Variants in NFE2L2 observed in about 807,000 individuals in gnomAD.
The protein encoded by NFE2L2 is NFE2 like bZIP transcription factor 2.
Under a neutral mutation model 49.6 loss-of-function variants are expected in NFE2L2, and 20 were observed. That is an observed-to-expected ratio of 0.40 (90% confidence interval 0.28 to 0.59). The LOEUF is 0.59. NFE2L2 is among the 20% of genes least tolerant of loss of function. The pLI is 0.40. For missense variants in NFE2L2, 578 were observed against 714.2 expected, an observed-to-expected ratio of 0.81 and a Z score of 2.17; for synonymous variants, 244 against 256.5, an observed-to-expected ratio of 0.95 and a Z score of 0.47.
chr2:177,258,829 G>GA (rs1690623269), intron 1 of NFE2L2, among the ~76,000 whole-genome samples: 2 of 152,116 alleles, frequency 1.3e-5, no homozygotes, highest in African/African-American at 2.4e-5. Flanking sequence ...TCTCTGATTT[G>GA]AAAAAGCAAT....
Position 177,232,290 on chromosome 2 carries a change from C to A in NFE2L2, c.594+102G>T, listed in dbSNP as rs936816367. On this transcript the variant is annotated intron_variant, in intron 4 of 4. Coordinates refer to ENST00000397062, the MANE Select transcript of NFE2L2 (RefSeq NM_006164.5). The stretch of plus-strand genomic sequence containing the variant: ...AGTACTCATGACTAAGTTAATAGCA[C>A]CCTCCAATCCTTCCTATAAATAGGT... 1.0e-5 allele frequency: 12 copies of A among 1,181,392 alleles called. No individual in the cohort carries two copies. The African/African-American group carries it at 1.7e-4, about 17-fold the overall frequency. 73.2% of individuals were successfully genotyped at this position (1,181,392 alleles called of 1,614,324 possible).
At chr2:177,233,377 G>A in intron 2 of NFE2L2, 38 bp from the exon 3 acceptor site, 1 of 1,485,298 alleles carries the variant, frequency 6.7e-7, no homozygotes, top group Non-Finnish European at 9.3e-7. Flanking sequence ...AACAAAAATG[G>A]TTAAATATTC....
In NFE2L2 at chr2:177,231,862, A is replaced by G; in HGVS notation, c.741T>C (p.Leu247=). Residue 247 remains leucine, a synonymous_variant, in exon 5 of 5, where the codon CTT becomes CTC. Coordinates refer to ENST00000397062, the MANE Select transcript of NFE2L2 (RefSeq NM_006164.5). Reference sequence around the variant, plus strand: ...TGCTGAAGGAATCCTCAAAAGCATTAAGAAAATGTGGACTACAGTTACCTA... The same window carrying G: ...TGCTGAAGGAATCCTCAAAAGCATTGAGAAAATGTGGACTACAGTTACCTA... ...KEVGNCSPHF[L]NAFEDSFSSI... The G allele has an allele frequency of 6.2e-7, 1 of 1,614,214 alleles. No homozygotes were observed. Among genetic ancestry groups the G allele is most frequent in the African/African-American group, 1.3e-5 (1 of 75,052 alleles).
At chr2:177,250,665 T>A (rs952546955) in intron 1 of NFE2L2, among the ~76,000 whole-genome samples, 2 of 152,174 alleles carry the variant, frequency 1.3e-5, no homozygotes, top group Non-Finnish European at 2.9e-5. Flanking sequence ...CCCCATCTGA[T>A]AAATGGTGAC....
chr2:177,254,634 T>G (rs1398619157), intron 1 of NFE2L2, among the ~76,000 whole-genome samples: 1 of 152,190 alleles, frequency 6.6e-6, no homozygotes, highest in Non-Finnish European at 1.5e-5. Context: ...GCGCCCCCAC[T>G]GGTCCACATG....
chr2:177,234,885 G>A (rs1689686536), intron 1 of NFE2L2, among the ~76,000 whole-genome samples: 1 of 152,070 alleles, frequency 6.6e-6, no homozygotes, highest in Admixed American at 6.5e-5. Flanking sequence ...GGAGGCCAAG[G>A]TGGGTGGATC....
chr2:177,232,370 T>A (rs1391963242), intron 4 of NFE2L2, 22 bp downstream of exon 4: 1 of 1,596,580 alleles, frequency 6.3e-7, no homozygotes, highest in Admixed American at 1.7e-5. Context: ...AAATCTCCAG[T>A]ATTACATTCT....
At chr2:177,250,748 C>T (rs529834828) in intron 1 of NFE2L2, among the ~76,000 whole-genome samples, 10 of 152,338 alleles carry the variant, frequency 6.6e-5, no homozygotes, top group Admixed American at 5.9e-4. Flanking sequence ...AGGGAGGCTG[C>T]ACAGTGCGAT....
chr2:177,240,402 T>C (rs1437801682), intron 1 of NFE2L2, among the ~76,000 whole-genome samples: 1 of 152,218 alleles, frequency 6.6e-6, no homozygotes, highest in Admixed American at 6.6e-5. Context: ...CCAAGGGCCA[T>C]GCGAGCACTG....
At position 177,231,641 on chromosome 2, in the gene NFE2L2, T is replaced by C; in HGVS notation, c.962A>G (p.Asp321Gly). ...ELLNGPIDVS[D>G]LSLCKAFNQN... is the part of the protein sequence containing the mutation. Reference sequence around the variant, plus strand: ...GTTGAAAGCTTTGCAAAGTGATAGATCAGAAACATCAATGGGCCCATTTAG... The same window carrying C: ...GTTGAAAGCTTTGCAAAGTGATAGACCAGAAACATCAATGGGCCCATTTAG... The change falls in exon 5 of 5, where the codon GAT becomes GGT. Residue 321 changes from aspartate (D) to glycine (G), a missense_variant. Asp to Gly is a moderately conservative substitution (Grantham distance 94, BLOSUM62 -1). Coordinates refer to ENST00000397062, the MANE Select transcript of NFE2L2 (RefSeq NM_006164.5). The C allele has an allele frequency of 6.2e-7, 1 of 1,614,138 alleles. No individual in the cohort carries two copies. The highest frequency in any genetic ancestry group is 1.3e-5 in the African/African-American group (1 of 75,012).
At chr2:177,237,870 A>G (rs1689806734) in intron 1 of NFE2L2, among the ~76,000 whole-genome samples, 2 of 152,180 alleles carry the variant, frequency 1.3e-5, no homozygotes, top group South Asian at 4.1e-4. Flanking sequence ...TTCTCAGTAA[A>G]TCTAGATACA....
rs766773648 is a variant in NFE2L2, at chr2:177,231,766, T to G, written c.837A>C (p.Thr279=). 6.2e-6 allele frequency: 10 copies of G among 1,614,144 alleles called. No individual in the cohort carries two copies. In the Admixed American group the frequency reaches 1.7e-4, roughly 27 times the overall value. ...NSLNSDATVN[T]DFGDEFYSAF... is the part of the protein sequence containing the mutation. ...CAGAATAAAATTCATCACCAAAATC[T>G]GTGTTGACTGTGGCATCTGAATTTA... is the stretch of plus-strand genomic sequence containing the variant. The change falls in exon 5 of 5, where the codon ACA becomes ACC. Residue 279 remains threonine (T), a synonymous_variant. Transcript: ENST00000397062.
intron 1 of NFE2L2, among the ~76,000 whole-genome samples, chr2:177,263,100 TA>T (rs1288400861): frequency 6.6e-6 from 1 of 152,264 alleles, no homozygotes; most frequent in African/African-American, 2.4e-5. Context: ...ATTTTTTTCC[TA>T]AAATTCATTT....
At position 177,231,474 on chromosome 2, in the gene NFE2L2, C is replaced by T; in HGVS notation, c.1129G>A (p.Glu377Lys). The T allele has an allele frequency of 6.2e-7, 1 of 1,614,252 alleles. No individual in the cohort carries two copies. The highest frequency in any genetic ancestry group is 8.5e-7 in the Non-Finnish European group (1 of 1,180,040). The change falls in exon 5 of 5, where the codon GAA becomes AAA. Residue 377 changes from glutamate (E) to lysine (K), a missense_variant. Physicochemically the swap from Glu to Lys is moderately conservative, Grantham distance 56. Around this residue, in one of 3 missense-constraint regions of NFE2L2, gnomAD observed 368 missense variants for 384.6 expected, o/e 0.96. Coordinates refer to ENST00000397062, the MANE Select transcript of NFE2L2 (RefSeq NM_006164.5). Reference protein sequence around the residue: ...GDTLLGLSDSEVEELDSAPGS... With the variant: ...GDTLLGLSDSKVEELDSAPGS... ...GGGGCACTATCTAGCTCTTCCACTT[C>T]AGAATCACTGAGGCCAAGTAGTGTG...
chr2:177,249,185 C>T (rs1690244518), intron 1 of NFE2L2, among the ~76,000 whole-genome samples: 1 of 151,846 alleles, frequency 6.6e-6, no homozygotes, highest in African/African-American at 2.4e-5. Flanking sequence ...TGCCACTATA[C>T]TACAGCCTAG....
At chr2:177,232,679 G>C in intron 3 of NFE2L2, 96 bp from the exon 4 acceptor site, 1 of 1,206,578 alleles carries the variant, frequency 8.3e-7, no homozygotes, top group Non-Finnish European at 1.2e-6. Flanking sequence ...ATCAGCTGCA[G>C]TTCTGTGTCT....
chr2:177,261,064 G>C (rs368109647), intron 1 of NFE2L2, among the ~76,000 whole-genome samples: 1 of 151,150 alleles, frequency 6.6e-6, no homozygotes, highest in Non-Finnish European at 1.5e-5. Context: ...CCAGCTACTC[G>C]GGAGGCTGAA....
intron 4 of NFE2L2, 84 bp from the exon 5 acceptor site, chr2:177,232,092 C>G (rs977421900): frequency 1.6e-6 from 2 of 1,278,864 alleles, no homozygotes; most frequent in Non-Finnish European, 2.2e-6. Context: ...TCCCTACCCA[C>G]ATTATCTTCA....
At position 177,253,560 on chromosome 2, in the gene NFE2L2, G is replaced by A. The variant is rs558915519; in HGVS notation, c.45+10972C>T. ...GTGTAGATACCTAATAAATATTTGC[G>A]GAATGAGTACGTGTATATTATTTAG... On this transcript the variant is annotated intron_variant, in intron 1 of 4. Coordinates refer to ENST00000397062, the MANE Select transcript of NFE2L2 (RefSeq NM_006164.5). 8.9e-4 allele frequency among the ~76,000 whole-genome samples: 135 copies of A among 152,026 alleles called. 1 individual carries two copies. Among genetic ancestry groups the A allele is most frequent in the Non-Finnish European group, 1.1e-3 (77 of 67,964 alleles).
Sources: gnomAD v4.1 joint callset for allele counts (sites outside exome capture counted in the v4.1 genomes callset) on GRCh38, gnomAD v4.1.1 for gene constraint, gnomAD v4.1.1 regional missense constraint, MANE v1.5 for transcripts, NCBI Gene and HGNC (gene_info 2026-07-23, HGNC 2026-07-21) for gene names.